SIDT1: variants seen among roughly 807,000 people sequenced by gnomAD.
The protein encoded by SIDT1 is SID1 transmembrane family, member 1.
A neutral mutation model predicts 107.5 loss-of-function variants in SIDT1; 101 were observed. The observed-to-expected ratio is 0.94, with a 90% CI of 0.80 to 1.11. The LOEUF is 1.11. Ranked by LOEUF, SIDT1 falls within the 50% of genes least tolerant of loss-of-function variation. The pLI, the probability that SIDT1 is intolerant of heterozygous loss-of-function variation, is 0.00. For missense variants in SIDT1, 1,076 were observed against 1,058.2 expected (o/e 1.02, Z -0.23); for synonymous variants, 395 against 398.2 (o/e 0.99, Z 0.10).
At chr3:113,579,972 A>G (rs965650860) in intron 4 of SIDT1, among the ~76,000 whole-genome samples, 14 of 152,218 alleles carry the variant, frequency 9.2e-5, no homozygotes, top group Non-Finnish European at 1.8e-4. Context: ...TTCTGGTGTT[A>G]CTTGAAAAAC....
chr3:113,581,350 G>T lies in SIDT1; in HGVS notation c.664-11G>T. On this transcript the variant is annotated splice_polypyrimidine_tract_variant and intron_variant, in intron 5 of 24. Transcript: ENST00000264852. ...GGATGCTTTCCATTTTATTCCTCAT[G>T]CATGCTGCAGTGCCCGGTGTATGAT... 6.2e-7 allele frequency: 1 copy of T among 1,609,202 alleles called. No homozygotes were observed. The highest frequency in any genetic ancestry group is 8.5e-7 in the Non-Finnish European group (1 of 1,175,624).
rs766945385 is a variant in SIDT1, at chr3:113,604,941, CT to C, written c.1370del (p.Leu457ArgfsTer3). 2.8e-5 allele frequency: 46 copies of C among 1,614,060 alleles called. No homozygotes were observed. In the South Asian group the frequency reaches 5.1e-4, roughly 18 times the overall value. On this transcript the variant is annotated frameshift_variant, in exon 14 of 25. Transcript: ENST00000264852. LOFTEE classifies it high-confidence loss of function. ...CATCACCATTGCTGTGTTTTACGCGCTGCCCGTGATCCAGCTGGTCATTACC... is the reference window on the plus strand; with the variant it reads ...CATCACCATTGCTGTGTTTTACGCGCGCCCGTGATCCAGCTGGTCATTACC... ...NIITIAVFYA[L>X]PVIQLVITYQ...
chr3:113,566,474 G>C lies in SIDT1; in HGVS notation c.277G>C (p.Val93Leu). Residue 93 changes from valine to leucine, a missense_variant, in exon 2 of 25, where the codon GTC becomes CTC. By Grantham distance (32) the Val-to-Leu change is conservative. Transcript: ENST00000264852. ...TTCCTCTGAGAATCTCAACTACCCG[G>C]TCCTTGTTGTGGTTCGCCAGCAGAA... The part of the protein sequence containing the change: ...NSSSENLNYP[V>L]LVVVRQQKEV... The C allele has an allele frequency of 1.2e-6, 2 of 1,614,130 alleles. No homozygotes were observed. Among genetic ancestry groups the C allele is most frequent in the Non-Finnish European group, 1.7e-6 (2 of 1,180,012 alleles).
At position 113,567,596 on chromosome 3, in the gene SIDT1, C is replaced by G. The variant is rs1342781957; in HGVS notation, c.401C>G (p.Ala134Gly). 6.2e-7 allele frequency: 1 copy of G among 1,614,042 alleles called. No individual in the cohort carries two copies. The highest frequency in any genetic ancestry group is 1.3e-5 in the African/African-American group (1 of 74,930). The change falls in exon 3 of 25, where the codon GCA becomes GGA. Residue 134 changes from alanine (A) to glycine (G), a missense_variant. Coordinates refer to ENST00000264852, the MANE Select transcript of SIDT1 (RefSeq NM_017699.3). Reference sequence around the variant, plus strand: ...AGCCGCACCTTATGTCCCTCAGAAGCAACCAATGAGACGGGACCCTTGCAG... The same window carrying G: ...AGCCGCACCTTATGTCCCTCAGAAGGAACCAATGAGACGGGACCCTTGCAG... ...EVSRTLCPSE[A>G]TNETGPLQQL...
chr3:113,632,071 A>G (rs150549102), downstream of SIDT1, among the ~76,000 whole-genome samples: 1,391 of 152,030 alleles, frequency 9.1e-3, 16 homozygotes, highest in African/African-American at 0.032. Context: ...TTTTTTTTTA[A>G]TATAAAAGAA....
chr3:113,556,103 C>T (rs886071147), intron 1 of SIDT1, among the ~76,000 whole-genome samples: 9 of 152,158 alleles, frequency 5.9e-5, no homozygotes, highest in South Asian at 2.1e-4. Context: ...AAACCGAGGG[C>T]GAGATAATTT....
In SIDT1 at chr3:113,581,433, A is replaced by G. The variant is rs1461569995; in HGVS notation, c.736A>G (p.Ile246Val). 1.9e-6 allele frequency: 3 copies of G among 1,613,238 alleles called. No homozygotes were observed. The highest frequency in any genetic ancestry group is 1.6e-4 in the Middle Eastern group (1 of 6,062). ...VYQSMTKKAA[I>V]TLQKKDFPGE... is the part of the protein sequence containing the mutation. ...TCAGTCCATGACCAAGAAAGCTGCC[A>G]TCACGCTACAGGTGAGGCATTGCTT... Residue 246 changes from isoleucine to valine, a missense_variant, in exon 6 of 25, where the codon ATC (isoleucine) becomes GTC (valine). By Grantham distance (29) the Ile-to-Val change is conservative. Coordinates refer to ENST00000264852, the MANE Select transcript of SIDT1 (RefSeq NM_017699.3).
chr3:113,549,101 GC>G (rs1225207299), intron 1 of SIDT1, among the ~76,000 whole-genome samples: 1 of 152,080 alleles, frequency 6.6e-6, no homozygotes, highest in Non-Finnish European at 1.5e-5. Context: ...TCTTTTTAAT[GC>G]TGAGTAATAT....
At position 113,629,105 on chromosome 3, in the gene SIDT1, A is replaced by G. The variant is rs1213250585; in HGVS notation, c.*1397A>G. ...ACCTCTTGCCTCTGCTTTCCTGATC[A>G]TTCGTTAGAGAAATGGATCAGGCAT... is the stretch of plus-strand genomic sequence containing the variant. On this transcript the variant is annotated 3_prime_UTR_variant, in exon 25 of 25. Coordinates refer to ENST00000264852, the MANE Select transcript of SIDT1 (RefSeq NM_017699.3). The G allele has an allele frequency of 3.3e-5, 5 of 152,228 alleles. No individual in the cohort carries two copies. Among genetic ancestry groups the G allele is most frequent in the African/African-American group, 4.8e-5 (2 of 41,464 alleles). The allele number at this position is 152,228 out of a possible 1,614,324, so 9.4% of individuals were successfully genotyped here. A position where few individuals can be genotyped will look rare whatever the true frequency, so the allele number is the denominator to read the frequency against.
chr3:113,555,146 C>G (rs1940703739), intron 1 of SIDT1, among the ~76,000 whole-genome samples: 1 of 152,204 alleles, frequency 6.6e-6, no homozygotes, highest in Non-Finnish European at 1.5e-5. Context: ...CTCACCGTCT[C>G]TCTTCTCCTT....
chr3:113,633,480 A>G, downstream of SIDT1, among the ~76,000 whole-genome samples: 1 of 152,204 alleles, frequency 6.6e-6, no homozygotes, highest in East Asian at 1.9e-4. Flanking sequence ...GTCACGCTCA[A>G]GCAGTTAGTG....
chr3:113,554,255 T>G (rs1388588606), intron 1 of SIDT1, among the ~76,000 whole-genome samples: 1 of 152,158 alleles, frequency 6.6e-6, no homozygotes, highest in Non-Finnish European at 1.5e-5. Context: ...TAGGATAGTC[T>G]CACGATTTAT....
chr3:113,590,477 A>G (rs1443805981), intron 9 of SIDT1, among the ~76,000 whole-genome samples: 1 of 152,216 alleles, frequency 6.6e-6, no homozygotes, highest in Non-Finnish European at 1.5e-5. Context: ...TTATTGAGAT[A>G]CAATTCATAG....
At chr3:113,556,509 A>C (rs1428230034) in intron 1 of SIDT1, among the ~76,000 whole-genome samples, 1 of 152,166 alleles carries the variant, frequency 6.6e-6, no homozygotes, top group Non-Finnish European at 1.5e-5. Flanking sequence ...CAGCTGTAAC[A>C]TGCAATCCCA....
intron 1 of SIDT1, 56 bp downstream of exon 1, chr3:113,533,299 C>A: frequency 7.7e-7 from 1 of 1,301,372 alleles, no homozygotes; most frequent in African/African-American, 1.6e-5. Flanking sequence ...CTCAGAGCCC[C>A]GTCGCTGCTT....
chr3:113,602,970 G>A (rs755458801), intron 11 of SIDT1, 35 bp from the exon 12 acceptor site: 25 of 1,608,460 alleles, frequency 1.6e-5, no homozygotes, highest in Middle Eastern at 1.7e-4. Flanking sequence ...GGCTCTCCAC[G>A]GCTTTTGATG....
intron 1 of SIDT1, among the ~76,000 whole-genome samples, chr3:113,546,692 C>G (rs745524782): frequency 2.0e-5 from 3 of 152,054 alleles, no homozygotes; most frequent in Non-Finnish European, 4.4e-5. Context: ...TTTAAAGTAT[C>G]TTCTATGTCA....
At chr3:113,635,199 T>C in the SIDT1 span, among the ~76,000 whole-genome samples, 1 of 152,168 alleles carries the variant, frequency 6.6e-6, no homozygotes, top group Non-Finnish European at 1.5e-5. Context: ...ATTTATTTTC[T>C]AAAAAACTTT....
chr3:113,582,589 A>T (rs1943442686), intron 6 of SIDT1, among the ~76,000 whole-genome samples: 1 of 152,206 alleles, frequency 6.6e-6, no homozygotes, highest in East Asian at 1.9e-4. Flanking sequence ...CATAAAGGGC[A>T]AGCATATCAA....
Sources: gnomAD v4.1 joint callset for allele counts (sites outside exome capture counted in the v4.1 genomes callset) on GRCh38, gnomAD v4.1.1 for gene constraint, MANE v1.5 for transcripts, NCBI Gene and HGNC (gene_info 2026-07-23, HGNC 2026-07-21) for gene names.